The following ALDH1L1 variants were observed in gnomAD, a reference collection of about 807,000 sequenced individuals.
The protein encoded by ALDH1L1 is aldehyde dehydrogenase 1 family member L1.
A neutral mutation model predicts 101.1 loss-of-function variants in ALDH1L1; 68 were observed. The observed-to-expected ratio is 0.67, with a 90% confidence interval of 0.55 to 0.82. ALDH1L1 has a LOEUF of 0.82. Among genes scored for constraint, ALDH1L1 ranks in the 40% least tolerant of loss-of-function variants. The pLI, the probability that ALDH1L1 is intolerant of heterozygous loss-of-function variation, is 0.00. For missense variants in ALDH1L1, 1,087 were observed against 1,172.7 expected, an observed-to-expected ratio of 0.93 and a Z score of 1.07; for synonymous variants, 486 against 470.8, an observed-to-expected ratio of 1.03 and a Z score of -0.42.
intron 4 of ALDH1L1, chr3:126,156,165 T>G (rs1559959729): frequency 6.6e-6 from 1 of 152,258 alleles, no homozygotes; most frequent in Admixed American, 6.5e-5. Flanking sequence ...TGGCTGAGAC[T>G]GAGGAACTGA....
At chr3:126,153,297 G>A in intron 7 of ALDH1L1, 147 bp downstream of exon 7, 1 of 1,280,724 alleles carries the variant, frequency 7.8e-7, no homozygotes, top group Non-Finnish European at 1.1e-6. Context: ...CGGGTGGTCA[G>A]GGACAAATCA....
chr3:126,185,398 T>G (rs957173336), upstream of ALDH1L1, among the ~76,000 whole-genome samples: 5 of 152,208 alleles, frequency 3.3e-5, no homozygotes, highest in African/African-American at 9.7e-5. Flanking sequence ...GGGAGATGAA[T>G]GCACAGGTGG....
intron 18 of ALDH1L1, 110 bp downstream of exon 18, chr3:126,114,447 A>T: frequency 1.1e-6 from 1 of 883,436 alleles, no homozygotes; most frequent in Non-Finnish European, 1.6e-6. Context: ...TATGGACTCC[A>T]CCAGGGCTAC....
chr3:126,142,405 C>T (rs946941231), intron 9 of ALDH1L1, among the ~76,000 whole-genome samples: 1 of 152,172 alleles, frequency 6.6e-6, no homozygotes, highest in African/African-American at 2.4e-5. Context: ...AAGAAAGCTA[C>T]AGACCAATAT....
At position 126,105,852 on chromosome 3, in the gene ALDH1L1, T is replaced by C. The variant is rs1945849555; in HGVS notation, c.2527A>G (p.Ile843Val). ...GLASGVFTRD[I>V]NKALYVSDKL... is the part of the protein sequence containing the mutation. Reference sequence around the variant, plus strand: ...TCACTGACATACAGGGCCTTGTTGATGTCCCTGGTGAAGACACCAGAAGCC... The same window carrying C: ...TCACTGACATACAGGGCCTTGTTGACGTCCCTGGTGAAGACACCAGAAGCC... The change falls in exon 22 of 23, where the codon ATC (isoleucine) becomes GTC (valine). Residue 843 changes from isoleucine to valine, a missense_variant. Ile to Val is a conservative substitution (Grantham distance 29, BLOSUM62 3). This residue lies in a region of ALDH1L1 where 442 missense variants were observed against 535.7 expected (regional missense o/e 0.83). Transcript: ENST00000393434. The C allele has an allele frequency of 6.2e-7, 1 of 1,614,202 alleles. No individual in the cohort carries two copies. Among genetic ancestry groups the C allele is most frequent in the African/African-American group, 1.3e-5 (1 of 75,046 alleles).
At chr3:126,141,929 A>T (rs1217809120) in intron 9 of ALDH1L1, among the ~76,000 whole-genome samples, 1 of 152,146 alleles carries the variant, frequency 6.6e-6, no homozygotes, top group Admixed American at 6.5e-5. Context: ...TCTTGAAAAT[A>T]TCAACAAAAT....
In ALDH1L1 at chr3:126,125,690, G is replaced by T. The variant is rs2080168713; in HGVS notation, c.1726C>A (p.Pro576Thr). 1.3e-6 allele frequency: 2 copies of T among 1,592,896 alleles called. No homozygotes were observed. The highest frequency in any genetic ancestry group is 3.4e-5 in the Admixed American group (2 of 58,040). The change falls in exon 15 of 23, where the codon CCC becomes ACC. Residue 576 changes from proline to threonine, a missense_variant. Physicochemically the swap from Pro to Thr is conservative, Grantham distance 38. Coordinates refer to ENST00000393434, the MANE Select transcript of ALDH1L1 (RefSeq NM_012190.4). ...GTCTTCCAGGACAGCATCATCAGGG[G>T]ATAGTTCCAGGGGATGATGATGCCA... ...VCGIIIPWNY[P>T]LMMLSWKTAA...
At chr3:126,136,098 G>A (rs928530051) in intron 11 of ALDH1L1, among the ~76,000 whole-genome samples, 3 of 152,150 alleles carry the variant, frequency 2.0e-5, no homozygotes, top group Non-Finnish European at 2.9e-5. Context: ...CAAGGGCACC[G>A]CACTGTCCTG....
At chr3:126,165,136 T>C (rs1018991094) in intron 1 of ALDH1L1, among the ~76,000 whole-genome samples, 5 of 152,310 alleles carry the variant, frequency 3.3e-5, no homozygotes, top group African/African-American at 7.2e-5. Flanking sequence ...ATGGAAGGGA[T>C]GTTGGATTTT....
intron 19 of ALDH1L1, among the ~76,000 whole-genome samples, chr3:126,112,121 A>G (rs1451790773): frequency 3.9e-5 from 6 of 152,124 alleles, no homozygotes; most frequent in African/African-American, 1.4e-4. Context: ...AAGGGGACTC[A>G]GGATGGCCCA....
intron 1 of ALDH1L1, among the ~76,000 whole-genome samples, chr3:126,161,670 A>G (rs2081054991): frequency 6.6e-6 from 1 of 152,248 alleles, no homozygotes. Flanking sequence ...AACCTGAACT[A>G]TTATTCACTT....
chr3:126,151,440 C>T (rs1486781457), intron 7 of ALDH1L1: 1 of 152,192 alleles, frequency 6.6e-6, no homozygotes, highest in Non-Finnish European at 1.5e-5. Flanking sequence ...ACATGAACTG[C>T]CCCCATTGTA....
rs570603185 is a variant in ALDH1L1, at chr3:126,150,780, G to A, written c.859-249C>T. ...TCACCACATTGGTCAGGCTGGTCTC[G>A]AACTCCTGACCTCATGATCCATCCA... is the stretch of plus-strand genomic sequence containing the variant. On this transcript the variant is annotated intron_variant, in intron 7 of 22. Transcript: ENST00000393434. The A allele has an allele frequency of 7.2e-5, 26 of 358,850 alleles. No homozygotes were observed. The East Asian group carries it at 1.1e-3, about 15-fold the overall frequency. 22.2% of individuals were successfully genotyped at this position (358,850 alleles called of 1,614,324 possible).
chr3:126,115,883 T>C (rs1002310281), intron 17 of ALDH1L1, among the ~76,000 whole-genome samples: 3 of 151,996 alleles, frequency 2.0e-5, no homozygotes, highest in African/African-American at 7.2e-5. Context: ...CCTTTTTTTT[T>C]TTCCTTTGAG....
intron 3 of ALDH1L1, among the ~76,000 whole-genome samples, 187 bp from the exon 4 acceptor site, chr3:126,157,695 T>C (rs760154001): frequency 1.3e-5 from 2 of 152,146 alleles, no homozygotes; most frequent in Non-Finnish European, 2.9e-5. Context: ...GGGCCAGGAA[T>C]TGTGCTAAAA....
chr3:126,134,171 G>C (rs534471059), intron 12 of ALDH1L1, among the ~76,000 whole-genome samples: 3 of 152,338 alleles, frequency 2.0e-5, no homozygotes, highest in Admixed American at 2.0e-4. Flanking sequence ...CCCAGCCTCT[G>C]CTGTGCTGAG....
At chr3:126,183,590 C>G (rs2081493680), upstream of ALDH1L1, among the ~76,000 whole-genome samples, 1 of 152,134 alleles carries the variant, frequency 6.6e-6, no homozygotes. Context: ...CAGGACCCGC[C>G]CAGGAAGATT....
chr3:126,194,627 T>G (rs577256996), intron 1 of ALDH1L1, among the ~76,000 whole-genome samples: 1 of 152,298 alleles, frequency 6.6e-6, no homozygotes, highest in South Asian at 2.1e-4. Context: ...CCCTTTAAAT[T>G]TAGTCAATAT....
chr3:126,128,283 T>C (rs2080228632), intron 14 of ALDH1L1: 1 of 152,274 alleles, frequency 6.6e-6, no homozygotes, highest in Non-Finnish European at 1.5e-5. Flanking sequence ...CTTAGTCCCA[T>C]TACCCAGGAG....
Sources: allele counts gnomAD v4.1 joint callset (sites outside exome capture counted in the v4.1 genomes callset), GRCh38; gene constraint gnomAD v4.1.1; regional missense constraint gnomAD v4.1.1; transcripts MANE v1.5; gene names NCBI Gene and HGNC (gene_info 2026-07-23, HGNC 2026-07-21).